The following OXR1 variants were observed in gnomAD, a reference collection of about 807,000 sequenced individuals.
OXR1 encodes oxidation resistance 1, also known as oxidation resistance protein 1.
OXR1 carries 41 observed loss-of-function variants against 104.6 expected under a neutral mutation model. The ratio of observed to expected loss-of-function variants is 0.39; its 90% CI spans 0.31 to 0.51. The LOEUF (loss-of-function observed/expected upper bound fraction) is 0.51. Among genes scored for constraint, OXR1 ranks in the 20% least tolerant of loss-of-function variants. OXR1 has a pLI of 0.77. For synonymous variants in OXR1, 348 were observed against 348.4 expected, an observed-to-expected ratio of 1.00 and a Z score of 0.01; for missense variants, 955 against 1,031.9, an observed-to-expected ratio of 0.93 and a Z score of 1.02.
At chr8:106,352,382 T>TG (rs1462609902) in intron 1 of OXR1, among the ~76,000 whole-genome samples, 3 of 152,208 alleles carry the variant, frequency 2.0e-5, no homozygotes, top group Non-Finnish European at 2.9e-5. Context: ...CTGGTAGGAA[T>TG]GTAAATTAGT....
At chr8:106,288,508 A>ATG (rs926047430) in intron 1 of OXR1, among the ~76,000 whole-genome samples, 1 of 136,448 alleles carries the variant, frequency 7.3e-6, no homozygotes, top group Admixed American at 7.4e-5. Flanking sequence ...CAACCTAAAT[A>ATG]TGTGTGTGTA....
At chr8:106,605,134 A>C (rs977314140) in intron 3 of OXR1, 2 of 152,230 alleles carry the variant, frequency 1.3e-5, no homozygotes, top group Admixed American at 1.3e-4. Flanking sequence ...TGTGCTGAAA[A>C]CATGTGGCTG....
chr8:106,689,832 A>T (rs1365192696), intron 6 of OXR1, among the ~76,000 whole-genome samples: 1 of 151,872 alleles, frequency 6.6e-6, no homozygotes, highest in Non-Finnish European at 1.5e-5. Context: ...TATACCTGAA[A>T]ATAGACATTA....
At chr8:106,725,997 C>A in intron 11 of OXR1, 1 of 456,112 alleles carries the variant, frequency 2.2e-6, no homozygotes, top group Non-Finnish European at 3.7e-6. Context: ...ACAGTGCAAC[C>A]AAACTTAAGC....
intron 16 of OXR1, among the ~76,000 whole-genome samples, chr8:106,748,443 T>A (rs1835579107): frequency 6.6e-6 from 1 of 152,092 alleles, no homozygotes; most frequent in Non-Finnish European, 1.5e-5. Flanking sequence ...CCATTACAGT[T>A]TTTTTGTACT....
At chr8:106,616,016 C>T (rs1248515768) in intron 3 of OXR1, among the ~76,000 whole-genome samples, 1 of 148,096 alleles carries the variant, frequency 6.8e-6, no homozygotes, top group Non-Finnish European at 1.5e-5. Context: ...AATTAATATC[C>T]AATGAAACAC....
At chr8:106,455,948 A>AT (rs1820574660) in intron 2 of OXR1, among the ~76,000 whole-genome samples, 1 of 152,190 alleles carries the variant, frequency 6.6e-6, no homozygotes, top group South Asian at 2.1e-4. Flanking sequence ...TTTAAAAAAT[A>AT]TTTTCTATAA....
intron 1 of OXR1, among the ~76,000 whole-genome samples, chr8:106,307,419 A>T (rs894495974): frequency 1.3e-5 from 2 of 150,770 alleles, no homozygotes; most frequent in African/African-American, 4.9e-5. Flanking sequence ...TCCTCCTCAC[A>T]CTCCTCATCC....
At chr8:106,324,522 A>G (rs1814376306) in intron 1 of OXR1, among the ~76,000 whole-genome samples, 1 of 149,528 alleles carries the variant, frequency 6.7e-6, no homozygotes, top group Non-Finnish European at 1.5e-5. Context: ...TTTTTTTTAA[A>G]GGAAAGGAGG....
At chr8:106,672,557 A>AAAGG (rs1428663528) in intron 3 of OXR1, among the ~76,000 whole-genome samples, 1 of 150,428 alleles carries the variant, frequency 6.6e-6, no homozygotes, top group East Asian at 2.0e-4. Context: ...AGAAAGAGAG[A>AAAGG]AAGGAAGGAA....
chr8:106,497,659 C>T (rs1001874807), intron 2 of OXR1, among the ~76,000 whole-genome samples: 1 of 152,168 alleles, frequency 6.6e-6, no homozygotes, highest in African/African-American at 2.4e-5. Flanking sequence ...CAAAATCTAC[C>T]TCTGAAGTGC....
intron 2 of OXR1, among the ~76,000 whole-genome samples, chr8:106,490,625 C>CA (rs1383727135): frequency 6.6e-6 from 1 of 152,168 alleles, no homozygotes; most frequent in Non-Finnish European, 1.5e-5. Flanking sequence ...CTCGGTCTCC[C>CA]AAAGTGCTGA....
chr8:106,695,021 A>G (rs1328830334), intron 7 of OXR1, among the ~76,000 whole-genome samples: 3 of 121,690 alleles, frequency 2.5e-5, no homozygotes, highest in Non-Finnish European at 3.5e-5. Flanking sequence ...AAGTAGCATT[A>G]TATATGCCAC....
At chr8:106,556,315 T>C (rs1049912294) in intron 3 of OXR1, among the ~76,000 whole-genome samples, 1 of 152,142 alleles carries the variant, frequency 6.6e-6, no homozygotes, top group African/African-American at 2.4e-5. Context: ...GCCTTACTAA[T>C]AATAATTTTT....
chr8:106,632,963 C>T (rs181233256), intron 3 of OXR1, among the ~76,000 whole-genome samples: 5 of 151,622 alleles, frequency 3.3e-5, no homozygotes, highest in South Asian at 2.1e-4. Context: ...CGGCCGGGTG[C>T]GGTGGCTCAC....
intron 2 of OXR1, among the ~76,000 whole-genome samples, chr8:106,368,950 G>C (rs1378998129): frequency 6.6e-6 from 1 of 152,050 alleles, no homozygotes; most frequent in African/African-American, 2.4e-5. Context: ...TGGTATTTCT[G>C]GTTCTAGATC....
chr8:106,364,300 C>T (rs901097233), intron 2 of OXR1, among the ~76,000 whole-genome samples: 1 of 152,132 alleles, frequency 6.6e-6, no homozygotes, highest in African/African-American at 2.4e-5. Flanking sequence ...TTTTTTTAGG[C>T]TGGGTGCAGT....
chr8:106,732,828 A>AT (rs1205256515), intron 11 of OXR1, among the ~76,000 whole-genome samples: 1 of 152,052 alleles, frequency 6.6e-6, no homozygotes, highest in Non-Finnish European at 1.5e-5. Flanking sequence ...ATGAGAGATA[A>AT]TTGCCTGTAG....
chr8:106,676,177 G>T (rs191729160), intron 3 of OXR1, among the ~76,000 whole-genome samples: 1 of 151,746 alleles, frequency 6.6e-6, no homozygotes, highest in African/African-American at 2.4e-5. Flanking sequence ...ATTTTTCTGC[G>T]TACCTTTATT....
Sources: gnomAD v4.1 joint callset for allele counts (sites outside exome capture counted in the v4.1 genomes callset) on GRCh38, gnomAD v4.1.1 for gene constraint, MANE v1.5 for transcripts, NCBI Gene and HGNC (gene_info 2026-07-23, HGNC 2026-07-21) for gene names.